CCDC91: variants seen among roughly 807,000 people sequenced by gnomAD.
The protein encoded by CCDC91 is coiled-coil domain-containing protein 91.
Under a neutral mutation model 63.2 loss-of-function variants are expected in CCDC91, and 48 were observed. The observed-to-expected ratio is 0.76, with a 90% CI of 0.60 to 0.97. The LOEUF (loss-of-function observed/expected upper bound fraction) is 0.97, where lower values mean the gene tolerates loss of function less well. CCDC91 is among the 50% of genes least tolerant of loss of function. The pLI, the probability that CCDC91 is intolerant of heterozygous loss-of-function variation, is 0.00. For synonymous variants in CCDC91, 167 were observed against 165.8 expected (o/e 1.01, Z -0.06); for missense variants, 500 against 494.6 (o/e 1.01, Z -0.10).
At chr12:28,266,611 A>G (rs550685542) in intron 3 of CCDC91, among the ~76,000 whole-genome samples, 1 of 152,138 alleles carries the variant, frequency 6.6e-6, no homozygotes, top group Non-Finnish European at 1.5e-5. Flanking sequence ...TCTTTTAACA[A>G]TCAATTACTG....
intron 11 of CCDC91, among the ~76,000 whole-genome samples, chr12:28,457,635 C>A (rs2140413895): frequency 6.6e-6 from 1 of 151,648 alleles, no homozygotes; most frequent in Non-Finnish European, 1.5e-5. Context: ...TGACAGAAAA[C>A]CGAGTACCTA....
intron 8 of CCDC91, among the ~76,000 whole-genome samples, chr12:28,443,531 A>G (rs1248056559): frequency 6.6e-6 from 1 of 152,068 alleles, no homozygotes; most frequent in East Asian, 1.9e-4. Context: ...GAGCCTCTAG[A>G]GGGTAAACTT....
intron 6 of CCDC91, among the ~76,000 whole-genome samples, chr12:28,330,934 A>T (rs1457580130): frequency 6.6e-6 from 1 of 152,228 alleles, no homozygotes; most frequent in African/African-American, 2.4e-5. Context: ...GAGAAAGCCT[A>T]TTGAGAAGAG....
intron 12 of CCDC91, among the ~76,000 whole-genome samples, chr12:28,511,668 C>T (rs1565499483): frequency 6.6e-6 from 1 of 151,818 alleles, no homozygotes; most frequent in South Asian, 2.1e-4. Context: ...AATACTTGTT[C>T]TTTTCAGCAG....
chr12:28,515,778 A>G (rs1468246609), intron 12 of CCDC91, among the ~76,000 whole-genome samples: 4 of 151,842 alleles, frequency 2.6e-5, no homozygotes, highest in Admixed American at 2.0e-4. Context: ...CATAGATTCT[A>G]TGTTATTTTT....
rs539627906 is a variant in CCDC91, at chr12:28,345,171, T to A, written c.577-17267T>A. ...ACTTTTCCTTTCTTGTGTCAGCCAA[T>A]GTTAGCAATTTCTTATATATCCTTC... On this transcript the variant is annotated intron_variant, in intron 6 of 12. Coordinates refer to ENST00000536442, the MANE Select transcript of CCDC91 (RefSeq NM_018318.5). 1.2e-3 allele frequency among the ~76,000 whole-genome samples: 179 copies of A among 152,238 alleles called. 1 individual carries two copies. Among genetic ancestry groups the A allele is most frequent in the Non-Finnish European group, 2.0e-3 (134 of 67,976 alleles).
At chr12:28,195,577 T>C (rs1941698179) in intron 1 of CCDC91, among the ~76,000 whole-genome samples, 1 of 152,222 alleles carries the variant, frequency 6.6e-6, no homozygotes, top group Non-Finnish European at 1.5e-5. Context: ...TCAGTCCTTA[T>C]TATGGTAGCG....
intron 7 of CCDC91, among the ~76,000 whole-genome samples, chr12:28,370,755 A>G (rs573662889): frequency 3.9e-5 from 6 of 152,278 alleles, no homozygotes; most frequent in Admixed American, 3.3e-4. Context: ...TGCTGGGGAG[A>G]CCTCAGAAAA....
intron 10 of CCDC91, 40 bp from the exon 11 acceptor site, chr12:28,452,438 C>CAGTT: frequency 2.4e-6 from 3 of 1,253,398 alleles, no homozygotes; most frequent in Non-Finnish European, 3.2e-6. Flanking sequence ...AATTATTATG[C>CAGTT]AGTCTTTCAA....
chr12:28,505,710 G>A (rs1484776264), intron 12 of CCDC91, among the ~76,000 whole-genome samples: 1 of 151,888 alleles, frequency 6.6e-6, no homozygotes, highest in African/African-American at 2.4e-5. Flanking sequence ...ACACAGAAGT[G>A]AAGCCAAAAA....
Position 28,391,312 on chromosome 12 carries a change from G to GCA in CCDC91, c.664_665dup (p.Gln222HisfsTer9). The GCA allele has an allele frequency of 6.2e-7, 1 of 1,607,790 alleles. No individual in the cohort carries two copies. Among genetic ancestry groups the GCA allele is most frequent in the African/African-American group, 1.3e-5 (1 of 74,894 alleles). On this transcript the variant is annotated frameshift_variant, in exon 8 of 13. Transcript: ENST00000536442. LOFTEE classifies it high-confidence loss of function. ...TTTTTGCTTGTTTTCAGGCACTACT[G>GCA]CAGTCTTCAGTTAAGCAACAAGTAG... is the stretch of plus-strand genomic sequence containing the variant.
At chr12:28,424,287 T>C (rs1436632849) in intron 8 of CCDC91, among the ~76,000 whole-genome samples, 1 of 152,160 alleles carries the variant, frequency 6.6e-6, no homozygotes, top group African/African-American at 2.4e-5. Context: ...TTTTTCCAAA[T>C]TGAAGAATCC....
chr12:28,368,859 G>A (rs1944434799), intron 7 of CCDC91, among the ~76,000 whole-genome samples: 1 of 151,386 alleles, frequency 6.6e-6, no homozygotes, highest in Non-Finnish European at 1.5e-5. Context: ...AGAGAGATCA[G>A]AAGTGCACAC....
At chr12:28,395,838 T>A (rs1946255541) in intron 8 of CCDC91, among the ~76,000 whole-genome samples, 1 of 152,190 alleles carries the variant, frequency 6.6e-6, no homozygotes, top group African/African-American at 2.4e-5. Flanking sequence ...GCTTCTGGGT[T>A]GCTGAATACA....
intron 8 of CCDC91, among the ~76,000 whole-genome samples, chr12:28,431,255 T>A (rs1222910683): frequency 6.6e-6 from 1 of 152,110 alleles, no homozygotes; most frequent in African/African-American, 2.4e-5. Flanking sequence ...ATCAAGCCTG[T>A]TAAATTCACA....
At chr12:28,235,650 A>T (rs1944897497) in intron 1 of CCDC91, among the ~76,000 whole-genome samples, 1 of 151,868 alleles carries the variant, frequency 6.6e-6, no homozygotes, top group Admixed American at 6.6e-5. Context: ...GATGAATTTG[A>T]GTTACAATCT....
At chr12:28,208,850 G>C (rs1943033310) in intron 1 of CCDC91, among the ~76,000 whole-genome samples, 1 of 151,998 alleles carries the variant, frequency 6.6e-6, no homozygotes, top group African/African-American at 2.4e-5. Context: ...ACCCAGGCTG[G>C]AGTGCAGTGG....
intron 3 of CCDC91, chr12:28,304,711 G>A: frequency 8.3e-7 from 1 of 1,199,588 alleles, no homozygotes; most frequent in Non-Finnish European, 1.1e-6. Flanking sequence ...GTGGAATAAA[G>A]GTCTTTATAG....
intron 8 of CCDC91, among the ~76,000 whole-genome samples, chr12:28,421,083 T>C (rs1265378149): frequency 1.3e-5 from 2 of 152,182 alleles, no homozygotes; most frequent in Non-Finnish European, 2.9e-5. Context: ...ATTGTTCATG[T>C]TATTGTTAAC....
Sources: allele counts gnomAD v4.1 joint callset (sites outside exome capture counted in the v4.1 genomes callset), GRCh38; gene constraint gnomAD v4.1.1; transcripts MANE v1.5; gene names NCBI Gene and HGNC (gene_info 2026-07-23, HGNC 2026-07-21).